Variants in DAB1 observed in about 807,000 individuals in gnomAD.
DAB1 encodes the protein DAB adaptor protein 1.
A neutral mutation model predicts 64.6 loss-of-function variants in DAB1; 15 were observed. The observed-to-expected ratio is 0.23, with a 90% CI of 0.16 to 0.36. The LOEUF (loss-of-function observed/expected upper bound fraction) is 0.36, where lower values mean the gene tolerates loss of function less well. Ranked by LOEUF, DAB1 falls within the 10% of genes least tolerant of loss-of-function variation. DAB1 has a pLI of 1.00. For synonymous variants in DAB1, 235 were observed against 251.9 expected, an observed-to-expected ratio of 0.93 and a Z score of 0.64; for missense variants, 596 against 706.7, an observed-to-expected ratio of 0.84 and a Z score of 1.78.
At chr1:57,684,426 C>T (rs969493491) in intron 6 of DAB1, among the ~76,000 whole-genome samples, 3 of 152,130 alleles carry the variant, frequency 2.0e-5, no homozygotes, top group African/African-American at 4.8e-5. Context: ...GGCAGCACAA[C>T]TGTCAGCAGA....
At chr1:57,606,633 T>TTA (rs1211119481) in intron 7 of DAB1, among the ~76,000 whole-genome samples, 1,569 of 95,506 alleles carry the variant, frequency 0.016, 58 homozygotes, top group African/African-American at 0.051. Flanking sequence ...ATGAAATATA[T>TTA]TATATATGAA....
At chr1:57,838,877 A>C (rs941555146) in intron 1 of DAB1, among the ~76,000 whole-genome samples, 1 of 151,758 alleles carries the variant, frequency 6.6e-6, no homozygotes, top group African/African-American at 2.4e-5. Context: ...CCTGGGCTCA[A>C]GCAATTCTCC....
At position 58,017,399 on chromosome 1, in the gene DAB1, G is replaced by A. The variant is rs575857447; in HGVS notation, n.387+133112C>T. On this transcript the variant is annotated intron_variant and non_coding_transcript_variant, in intron 5 of 20. Transcript: ENST00000485760. ...GAGAACAAGAAAAATCCAAGTGCTA[G>A]GATGTAGGCAGTGGGGGTCCTCAGC... Among the ~76,000 whole-genome samples the A allele has an allele frequency of 2.0e-5, 3 of 152,280 alleles. No individual in the cohort carries two copies. In the South Asian group the frequency reaches 6.2e-4, roughly 32 times the overall value.
chr1:58,149,127 T>C (rs1379568541), intron 5 of DAB1, among the ~76,000 whole-genome samples: 1 of 152,212 alleles, frequency 6.6e-6, no homozygotes, highest in Admixed American at 6.5e-5. Context: ...TTCTTCATAG[T>C]ACTTCTTACT....
At chr1:58,487,912 T>A (rs999683130) in intron 3 of DAB1, among the ~76,000 whole-genome samples, 2 of 137,928 alleles carry the variant, frequency 1.5e-5, no homozygotes, top group Non-Finnish European at 3.3e-5. Flanking sequence ...GTACCTCTTC[T>A]CCTGATCCTA....
intron 3 of DAB1, among the ~76,000 whole-genome samples, chr1:58,436,076 A>G (rs1557759846): frequency 6.6e-6 from 1 of 152,136 alleles, no homozygotes; most frequent in Non-Finnish European, 1.5e-5. Context: ...TGTGGTGAAA[A>G]ACACAGAAAC....
intron 7 of DAB1, among the ~76,000 whole-genome samples, chr1:57,484,154 T>A (rs1326978993): frequency 6.6e-6 from 1 of 152,092 alleles, no homozygotes; most frequent in Non-Finnish European, 1.5e-5. Flanking sequence ...GAGGTAGGAA[T>A]GAGCATCAAG....
chr1:57,896,792 G>A (rs757426243), intron 5 of DAB1, among the ~76,000 whole-genome samples: 1 of 152,194 alleles, frequency 6.6e-6, no homozygotes, highest in Non-Finnish European at 1.5e-5. Context: ...GTCAGCCATT[G>A]TGATTATTAT....
intron 1 of DAB1, among the ~76,000 whole-genome samples, chr1:57,882,719 C>A (rs1281604396): frequency 6.6e-6 from 1 of 152,076 alleles, no homozygotes; most frequent in Non-Finnish European, 1.5e-5. Context: ...GAAACAGAGA[C>A]AAAACCATAG....
chr1:57,105,455 G>C (rs980695723), intron 4 of DAB1, among the ~76,000 whole-genome samples: 2 of 152,054 alleles, frequency 1.3e-5, no homozygotes, highest in African/African-American at 4.8e-5. Context: ...GGAAAGGTGG[G>C]AGCAGCCGCA....
intron 3 of DAB1, among the ~76,000 whole-genome samples, chr1:58,500,202 G>T (rs955195596): frequency 6.6e-6 from 1 of 151,768 alleles, no homozygotes; most frequent in African/African-American, 2.4e-5. Context: ...TTTTTTAAGG[G>T]TTTAGACAAT....
Position 57,128,152 on chromosome 1 carries a change from AAAATAAAT to A in DAB1, c.306+8383_306+8390del, listed in dbSNP as rs141430592. Reference sequence around the variant, plus strand: ...ATAAGAGTGAGAGTCTCAAAAAATAAAAATAAATAAATAAATAAATAAATAAATAAATA... The same window carrying A: ...ATAAGAGTGAGAGTCTCAAAAAATAAAAATAAATAAATAAATAAATAAATA... On this transcript the variant is annotated intron_variant, in intron 4 of 14. Transcript: ENST00000371236. Among the ~76,000 whole-genome samples, 660 of 103,178 alleles carry A rather than the reference AAAATAAAT, an allele frequency of 6.4e-3. 5 individuals are homozygous for A. Among genetic ancestry groups the A allele is most frequent in the South Asian group, 0.03 (99 of 3,258 alleles). 67.7% of individuals were successfully genotyped at this position (103,178 alleles called of 152,430 possible). A position where few individuals can be genotyped will look rare whatever the true frequency, so the allele number is the denominator to read the frequency against.
Position 58,052,026 on chromosome 1 carries a change from C to T in DAB1, n.387+98485G>A, listed in dbSNP as rs563550618. Among the ~76,000 whole-genome samples the T allele has an allele frequency of 6.5e-4, 99 of 152,078 alleles. 2 individuals carry two copies. In the East Asian group the frequency reaches 9.7e-3, roughly 15 times the overall value. On this transcript the variant is annotated intron_variant and non_coding_transcript_variant, in intron 5 of 20. Coordinates refer to the DAB1 transcript ENST00000485760. Reference sequence around the variant, plus strand: ...TCACTCTGATGGTAGTTTCTTTTGCCGTGCAGAAGCTCTTTAGTTTAATTA... The same window carrying T: ...TCACTCTGATGGTAGTTTCTTTTGCTGTGCAGAAGCTCTTTAGTTTAATTA...
intron 5 of DAB1, chr1:58,074,564 G>GTATATATATATATATATATATA (rs375821412): frequency 5.0e-4 from 46 of 91,630 alleles, no homozygotes; most frequent in African/African-American, 1.5e-3. Context: ...ATATATGTGT[G>GTATATATATATATATATATATA]TATATATATA....
intron 1 of DAB1, chr1:57,874,050 T>G (rs941768881): frequency 2.6e-5 from 4 of 151,968 alleles, no homozygotes; most frequent in African/African-American, 9.7e-5. Context: ...GAAGAGTGAA[T>G]GAGTAAACAA....
intron 4 of DAB1, among the ~76,000 whole-genome samples, chr1:58,259,144 C>T (rs1660996828): frequency 1.3e-5 from 2 of 152,108 alleles, no homozygotes; most frequent in African/African-American, 2.4e-5. Context: ...TTCTATCTTC[C>T]CTTTTCTTGT....
chr1:57,552,588 G>A (rs1644926770), intron 7 of DAB1, among the ~76,000 whole-genome samples: 1 of 152,170 alleles, frequency 6.6e-6, no homozygotes, highest in Non-Finnish European at 1.5e-5. Flanking sequence ...CCTAGGCACA[G>A]GAAACAGTGT....
intron 7 of DAB1, among the ~76,000 whole-genome samples, chr1:57,446,262 T>C (rs1686131890): frequency 6.6e-6 from 1 of 152,226 alleles, no homozygotes; most frequent in Non-Finnish European, 1.5e-5. Context: ...AACTGTATGA[T>C]GATTGCTAGA....
chr1:57,506,180 T>A (rs1270177845), intron 7 of DAB1, among the ~76,000 whole-genome samples: 2 of 152,202 alleles, frequency 1.3e-5, no homozygotes, highest in African/African-American at 4.8e-5. Flanking sequence ...TGGCGTTGCA[T>A]TGTTAAGAAA....
Sources: allele counts gnomAD v4.1 joint callset (sites outside exome capture counted in the v4.1 genomes callset), GRCh38; gene constraint gnomAD v4.1.1; transcripts MANE v1.5; gene names NCBI Gene and HGNC (gene_info 2026-07-23, HGNC 2026-07-21).